GLRA2: variants seen among roughly 807,000 people sequenced by gnomAD.
GLRA2 encodes glycine receptor subunit alpha-2.
A neutral mutation model predicts 31.6 loss-of-function variants in GLRA2; 11 were observed. The observed-to-expected ratio is 0.35, with a 90% CI of 0.22 to 0.58. GLRA2 has a LOEUF of 0.58. Among genes scored for constraint, GLRA2 ranks in the 20% least tolerant of loss-of-function variants. The pLI, the probability that GLRA2 is intolerant of heterozygous loss-of-function variation, is 0.84. For missense variants in GLRA2, 212 were observed against 351.8 expected, an observed-to-expected ratio of 0.60 and a Z score of 3.18; for synonymous variants, 132 against 134.0, an observed-to-expected ratio of 0.99 and a Z score of 0.10.
intron 7 of GLRA2, among the ~76,000 whole-genome samples, chrX:14,624,734 C>G (rs1042195338): frequency 1.6e-4 from 18 of 111,493 alleles, no homozygotes; most frequent in African/African-American, 5.9e-4. Context: ...AATGATTTCT[C>G]TTCTTTTACA....
At chrX:14,490,020 C>A in the GLRA2 span, among the ~76,000 whole-genome samples, 1 of 110,778 alleles carries the variant, frequency 9.0e-6, no homozygotes, top group Non-Finnish European at 1.9e-5. Flanking sequence ...GGCATCTAGC[C>A]ATTTAGTTTC....
At chrX:14,697,946 T>A (rs1315905593) in intron 8 of GLRA2, among the ~76,000 whole-genome samples, 1 of 112,158 alleles carries the variant, frequency 8.9e-6, no homozygotes, top group East Asian at 2.8e-4. Context: ...TATAGAGTTG[T>A]AATGTCTGTC....
At chrX:14,487,071 TTAAAC>T in the GLRA2 span, among the ~76,000 whole-genome samples, 3 of 110,394 alleles carry the variant, frequency 2.7e-5, no homozygotes, top group Admixed American at 9.7e-5. Context: ...TTATTCTTCT[TTAAAC>T]TATATTATAT....
chrX:14,712,841 C>T (rs1308963027), intron 8 of GLRA2, among the ~76,000 whole-genome samples: 2 of 111,422 alleles, frequency 1.8e-5, no homozygotes, highest in Non-Finnish European at 3.8e-5. Context: ...GTCTAGCCAC[C>T]GTGTCTAACA....
chrX:14,582,789 G>A (rs1019272045), intron 4 of GLRA2, among the ~76,000 whole-genome samples: 1 of 112,089 alleles, frequency 8.9e-6, no homozygotes, highest in African/African-American at 3.2e-5. Flanking sequence ...TATCTTAAAT[G>A]TTGCAGACCA....
intron 7 of GLRA2, among the ~76,000 whole-genome samples, chrX:14,663,849 T>C (rs2091014639): frequency 1.8e-5 from 2 of 111,417 alleles, no homozygotes; most frequent in African/African-American, 6.5e-5. Flanking sequence ...AAACTGTCCA[T>C]TTCATCCTGA....
rs763482456 is a variant in GLRA2 at position 14,694,583 on chromosome X, C to T, written c.1080+3724C>T. Among the ~76,000 whole-genome samples the T allele has an allele frequency of 4.5e-5, 5 of 109,955 alleles. No individual in the cohort carries two copies. In the Admixed American group the frequency reaches 4.8e-4, roughly 11 times the overall value. ...GAGTAGCAGCAGATAAGTTAGGAGG[C>T]TATTGTAGAACTATAGGTGGAAATG... On this transcript the variant is annotated intron_variant, in intron 8 of 8. Transcript: ENST00000218075.
the GLRA2 span, among the ~76,000 whole-genome samples, chrX:14,492,970 C>T: frequency 5.0e-4 from 55 of 111,010 alleles, no homozygotes; most frequent in African/African-American, 1.7e-3. Flanking sequence ...GGTGGAAGGG[C>T]AAAAGGGCCT....
chrX:14,555,972 G>T lies in GLRA2; in HGVS notation c.203-18361G>T, dbSNP rs3027337. On this transcript the variant is annotated intron_variant, in intron 2 of 8. Coordinates refer to ENST00000218075, the MANE Select transcript of GLRA2 (RefSeq NM_002063.4). Reference sequence around the variant, plus strand: ...GCCCTGTCCAGAGCAAACTAGAAAAGATTAGACACATATAAAAGTCGACCA... The same window carrying T: ...GCCCTGTCCAGAGCAAACTAGAAAATATTAGACACATATAAAAGTCGACCA... Among the ~76,000 whole-genome samples the T allele has an allele frequency of 9.7e-3, 1,080 of 111,718 alleles. 11 individuals carry two copies. The highest frequency in any genetic ancestry group is 0.033 in the African/African-American group (1,013 of 30,734).
the GLRA2 span, among the ~76,000 whole-genome samples, chrX:14,491,461 G>GA: frequency 9.0e-6 from 1 of 111,599 alleles, no homozygotes; most frequent in Middle Eastern, 4.6e-3. Flanking sequence ...AAAACATTGG[G>GA]AAAAAATCTC....
At chrX:14,577,115 A>G (rs191211856) in intron 3 of GLRA2, among the ~76,000 whole-genome samples, 110 of 113,062 alleles carry the variant, frequency 9.7e-4, no homozygotes, top group Middle Eastern at 4.6e-3. Context: ...TTTGAGAGCC[A>G]GATAGTCTCT....
At chrX:14,522,902 C>T in the GLRA2 span, among the ~76,000 whole-genome samples, 1 of 111,669 alleles carries the variant, frequency 9.0e-6, no homozygotes, top group African/African-American at 3.2e-5. Flanking sequence ...TAAGGACCCT[C>T]GGATTTTAAG....
the GLRA2 span, among the ~76,000 whole-genome samples, chrX:14,512,579 G>C: frequency 9.0e-6 from 1 of 111,594 alleles, no homozygotes; most frequent in Non-Finnish European, 1.9e-5. Context: ...AAAGTTTCAG[G>C]ATACAAAATT....
the GLRA2 span, among the ~76,000 whole-genome samples, chrX:14,501,084 A>AG: frequency 1.8e-5 from 2 of 110,406 alleles, no homozygotes; most frequent in Non-Finnish European, 3.8e-5. Context: ...AAAAAAAAAA[A>AG]AAAAGATTTA....
chrX:14,548,919 A>T (rs888554782), intron 2 of GLRA2, among the ~76,000 whole-genome samples: 4 of 79,265 alleles, frequency 5.0e-5, no homozygotes, highest in African/African-American at 1.1e-4. Context: ...TTCATCTTCC[A>T]GCTTTACAAA....
chrX:14,710,579 A>T (rs756316005), intron 8 of GLRA2, among the ~76,000 whole-genome samples: 1 of 111,789 alleles, frequency 8.9e-6, no homozygotes, highest in Non-Finnish European at 1.9e-5. Flanking sequence ...CCTAATTAAA[A>T]CCCTTAAAAA....
intron 2 of GLRA2, among the ~76,000 whole-genome samples, chrX:14,553,596 A>G (rs2089598158): frequency 9.0e-6 from 1 of 111,097 alleles, no homozygotes; most frequent in Non-Finnish European, 1.9e-5. Flanking sequence ...TGTCTTTCCC[A>G]TATCCCCGGT....
intron 8 of GLRA2, among the ~76,000 whole-genome samples, chrX:14,702,002 C>T (rs773641861): frequency 2.7e-5 from 3 of 112,302 alleles, no homozygotes; most frequent in Admixed American, 9.4e-5. Flanking sequence ...AAAGCATCTT[C>T]TCCACTTGGT....
At chrX:14,474,734 G>A in the GLRA2 span, among the ~76,000 whole-genome samples, 1 of 60,538 alleles carries the variant, frequency 1.7e-5, no homozygotes, top group South Asian at 7.6e-4. Context: ...GGCTGGGATG[G>A]CTGGGATGAC....
Sources: gnomAD v4.1 joint callset for allele counts (sites outside exome capture counted in the v4.1 genomes callset) on GRCh38, gnomAD v4.1.1 for gene constraint, MANE v1.5 for transcripts, NCBI Gene and HGNC (gene_info 2026-07-23, HGNC 2026-07-21) for gene names.